KAZN: variants seen among roughly 807,000 people sequenced by gnomAD.
KAZN encodes kazrin, periplakin interacting protein, also known as kazrin.
Under a neutral mutation model 87.4 loss-of-function variants are expected in KAZN, and 40 were observed. That is an observed-to-expected ratio of 0.46 (90% CI 0.36 to 0.60). KAZN has a LOEUF of 0.60. KAZN is among the 20% of genes least tolerant of loss of function. KAZN has a pLI of 0.00. For missense variants in KAZN, 898 were observed against 1,073.9 expected, an observed-to-expected ratio of 0.84 and a Z score of 2.29; for synonymous variants, 466 against 458.3, an observed-to-expected ratio of 1.02 and a Z score of -0.22.
intron 1 of KAZN, among the ~76,000 whole-genome samples, chr1:14,742,395 T>C (rs905622192): frequency 6.6e-6 from 1 of 152,244 alleles, no homozygotes; most frequent in Non-Finnish European, 1.5e-5. Context: ...TATTCATTCA[T>C]TGAGCAACTA....
intron 1 of KAZN, among the ~76,000 whole-genome samples, chr1:14,914,913 A>T (rs1211302088): frequency 6.6e-6 from 1 of 152,228 alleles, no homozygotes; most frequent in Non-Finnish European, 1.5e-5. Flanking sequence ...AATATTGGCC[A>T]GGCGCGGTGG....
At chr1:14,802,387 G>C (rs1306356324) in intron 1 of KAZN, among the ~76,000 whole-genome samples, 2 of 140,158 alleles carry the variant, frequency 1.4e-5, no homozygotes, top group African/African-American at 5.5e-5. Flanking sequence ...CTGGGTGACA[G>C]AGCAAAACTC....
intron 2 of KAZN, among the ~76,000 whole-genome samples, chr1:14,987,702 C>T (rs1230071745): frequency 6.6e-6 from 1 of 152,148 alleles, no homozygotes; most frequent in Non-Finnish European, 1.5e-5. Flanking sequence ...GGGGCACTTT[C>T]ATGCGGGGCT....
chr1:15,050,427 C>A (rs1308440557), intron 4 of KAZN, among the ~76,000 whole-genome samples: 1 of 152,188 alleles, frequency 6.6e-6, no homozygotes, highest in Non-Finnish European at 1.5e-5. Flanking sequence ...TCACCTTTAA[C>A]CTTTTCCTGC....
intron 2 of KAZN, among the ~76,000 whole-genome samples, chr1:14,426,620 G>A (rs911666289): frequency 6.6e-6 from 1 of 152,148 alleles, no homozygotes; most frequent in African/African-American, 2.4e-5. Context: ...CCACACTGAG[G>A]TGATGCTTTC....
rs1667904868 is a variant in KAZN, at chr1:14,996,737, G to C, written c.418+35862G>C. Reference sequence around the variant, plus strand: ...CACTGCCGGCCTCTCCCAGTCCCCAGGAGAAAGGGCTGATGCTCCCAAAGG... The same window carrying C: ...CACTGCCGGCCTCTCCCAGTCCCCACGAGAAAGGGCTGATGCTCCCAAAGG... On this transcript the variant is annotated intron_variant, in intron 2 of 14. Transcript: ENST00000376030. This position sits in a 1 kb window ranked among gnomAD's most constrained non-coding sequence, Gnocchi z 5.9. 6.6e-6 allele frequency among the ~76,000 whole-genome samples: 1 copy of C among 152,188 alleles called. No homozygotes were observed. The highest frequency in any genetic ancestry group is 2.4e-5 in the African/African-American group (1 of 41,440).
intron 2 of KAZN, among the ~76,000 whole-genome samples, chr1:14,309,543 C>G (rs1451527988): frequency 3.9e-5 from 6 of 152,136 alleles, no homozygotes; most frequent in Admixed American, 6.5e-5. Context: ...CAGGAATCCA[C>G]TGAAGATGGC....
At chr1:14,127,242 A>G (rs1644892026) in intron 1 of KAZN, among the ~76,000 whole-genome samples, 1 of 152,240 alleles carries the variant, frequency 6.6e-6, no homozygotes, top group African/African-American at 2.4e-5. Context: ...AGATGCAAAA[A>G]CTGTTTCACA....
chr1:14,248,962 C>T (rs187529593), intron 2 of KAZN, among the ~76,000 whole-genome samples: 13 of 152,306 alleles, frequency 8.5e-5, no homozygotes, highest in African/African-American at 2.9e-4. Flanking sequence ...AAAGGCCATG[C>T]GTAGGTGCTC....
intron 1 of KAZN, among the ~76,000 whole-genome samples, chr1:14,049,322 G>A (rs1004182799): frequency 1.3e-5 from 2 of 152,010 alleles, no homozygotes; most frequent in Non-Finnish European, 2.9e-5. Context: ...GTTGTGGGGT[G>A]GGGGGAGCGG....
intron 2 of KAZN, among the ~76,000 whole-genome samples, chr1:14,291,828 T>C (rs1653722042): frequency 6.6e-6 from 1 of 152,116 alleles, no homozygotes; most frequent in South Asian, 2.1e-4. Flanking sequence ...AACGAATCGA[T>C]TGATCTAATG....
rs985486213 is a variant in KAZN at position 15,094,408 on chromosome 1, T to C, written c.1428+23T>C. 3.1e-6 allele frequency: 5 copies of C among 1,596,158 alleles called. No individual in the cohort carries two copies. The highest frequency in any genetic ancestry group is 4.5e-5 in the East Asian group (2 of 44,144). On this transcript the variant is annotated intron_variant, in intron 9 of 14. Transcript: ENST00000376030. The surrounding 1 kb of genome is among the most constrained non-coding windows in gnomAD (Gnocchi z 4.5). ...AAGGTAGGCAACTCCGGGCCCCCTA[T>C]GGGATGCCACCCATGCCCTCTGTGA...
At chr1:14,232,365 C>T (rs978755373) in intron 2 of KAZN, among the ~76,000 whole-genome samples, 2 of 152,134 alleles carry the variant, frequency 1.3e-5, no homozygotes, top group African/African-American at 4.8e-5. Context: ...AAATTATCCT[C>T]TCATTCCTTA....
intron 2 of KAZN, among the ~76,000 whole-genome samples, chr1:14,419,765 G>A (rs1488474104): frequency 6.6e-6 from 1 of 151,996 alleles, no homozygotes; most frequent in African/African-American, 2.4e-5. Context: ...TGCGTCTGGT[G>A]TTGTTTGTCC....
intron 1 of KAZN, among the ~76,000 whole-genome samples, chr1:14,617,165 CTA>C (rs1678315131): frequency 6.6e-6 from 1 of 152,194 alleles, no homozygotes; most frequent in South Asian, 2.1e-4. Context: ...GTTTTGCTAT[CTA>C]TGTTATGCGG....
chr1:14,518,199 T>TTTG (rs1671396403), intron 2 of KAZN, among the ~76,000 whole-genome samples: 1 of 148,350 alleles, frequency 6.7e-6, no homozygotes, highest in African/African-American at 2.5e-5. Flanking sequence ...TTTTTTTTTT[T>TTTG]GGGCAGAGTC....
chr1:14,719,261 A>G (rs1392459937), intron 1 of KAZN, among the ~76,000 whole-genome samples: 1 of 152,234 alleles, frequency 6.6e-6, no homozygotes, highest in Non-Finnish European at 1.5e-5. Flanking sequence ...TAGGTTCATG[A>G]CCATAGTCAA....
At chr1:14,827,355 C>A (rs1422911024) in intron 1 of KAZN, among the ~76,000 whole-genome samples, 1 of 152,192 alleles carries the variant, frequency 6.6e-6, no homozygotes, top group Non-Finnish European at 1.5e-5. Flanking sequence ...GTGCACCCAT[C>A]ACCCGAGCAG....
At chr1:13,912,427 C>A (rs574413380) in intron 1 of KAZN, among the ~76,000 whole-genome samples, 2 of 152,146 alleles carry the variant, frequency 1.3e-5, no homozygotes, top group South Asian at 4.1e-4. Context: ...ATTGAAGATA[C>A]TCCAGTCCAC....
Sources: allele counts gnomAD v4.1 joint callset (sites outside exome capture counted in the v4.1 genomes callset), GRCh38; gene constraint gnomAD v4.1.1; non-coding constraint Gnocchi (gnomAD v3.1); transcripts MANE v1.5; gene names NCBI Gene and HGNC (gene_info 2026-07-23, HGNC 2026-07-21).